KIAA0513: variants seen among roughly 807,000 people sequenced by gnomAD.
KIAA0513 encodes the protein KIAA0513.
Under a neutral mutation model 56.5 loss-of-function variants are expected in KIAA0513, and 39 were observed. That is an observed-to-expected ratio of 0.69 (90% CI 0.53 to 0.90). The LOEUF is 0.90. KIAA0513 is among the 40% of genes least tolerant of loss of function. KIAA0513 has a pLI of 0.00. For synonymous variants in KIAA0513, 268 were observed against 215.6 expected (o/e 1.24, Z -2.13); for missense variants, 591 against 535.2 (o/e 1.10, Z -1.03).
At chr16:85,062,972 A>G (rs2073426632) in intron 1 of KIAA0513, among the ~76,000 whole-genome samples, 1 of 152,150 alleles carries the variant, frequency 6.6e-6, no homozygotes, top group Non-Finnish European at 1.5e-5. Flanking sequence ...CTGCTGTGAC[A>G]TCTTAGATCT....
rs1040478471 is a variant in KIAA0513 at position 85,048,765 on chromosome 16, A to G, written c.-172-18135A>G. Among the ~76,000 whole-genome samples, 3 of 152,192 alleles carry G rather than the reference A, an allele frequency of 2.0e-5. No individual in the cohort carries two copies. In the South Asian group the frequency reaches 6.2e-4, roughly 31 times the overall value. ...TCTCCAAATTCTACTAATGATGATAATAATACTAATCAAATATTGTTAAAC... is the reference window on the plus strand; with the variant it reads ...TCTCCAAATTCTACTAATGATGATAGTAATACTAATCAAATATTGTTAAAC... On this transcript the variant is annotated intron_variant, in intron 1 of 12. Coordinates refer to ENST00000683363, the MANE Select transcript of KIAA0513 (RefSeq NM_001388359.1).
chr16:85,084,430 T>A (rs959657568), intron 10 of KIAA0513, among the ~76,000 whole-genome samples: 3 of 75,146 alleles, frequency 4.0e-5, no homozygotes, highest in Non-Finnish European at 7.6e-5. Context: ...TTTCGTTCTC[T>A]TTTTTTTTTT....
Position 85,077,032 on chromosome 16 carries a change from C to T in KIAA0513, c.575-393C>T, listed in dbSNP as rs573868715. ...CCAGACTCCTCCTCCAGGCCCCCCC[C>T]CAACCCGGTGTCTCCACACTCCCAT... On this transcript the variant is annotated intron_variant, in intron 5 of 12. Transcript: ENST00000683363. Among the ~76,000 whole-genome samples, 21 of 152,268 alleles carry T rather than the reference C, an allele frequency of 1.4e-4. No homozygotes were observed. In the South Asian group the frequency reaches 2.7e-3, roughly 20 times the overall value.
At chr16:85,094,220 T>G (rs146924942), downstream of KIAA0513, 2 of 149,598 alleles carry the variant, frequency 1.3e-5, no homozygotes, top group East Asian at 3.9e-4. Context: ...AAACTAACTT[T>G]AAAAAAAAAA....
intron 8 of KIAA0513, among the ~76,000 whole-genome samples, chr16:85,080,023 T>G (rs1446831909): frequency 2.0e-5 from 3 of 152,186 alleles, no homozygotes; most frequent in Non-Finnish European, 4.4e-5. Flanking sequence ...AGATCACAGT[T>G]GGCTGTGGTG....
intron 1 of KIAA0513, among the ~76,000 whole-genome samples, chr16:85,056,210 A>T (rs558604676): frequency 6.6e-6 from 1 of 152,242 alleles, no homozygotes; most frequent in Admixed American, 6.5e-5. Flanking sequence ...GATCCCAGAC[A>T]TGGATCCTAA....
chr16:85,033,011 C>T (rs890501884), intron 1 of KIAA0513, among the ~76,000 whole-genome samples: 1 of 151,996 alleles, frequency 6.6e-6, no homozygotes, highest in Non-Finnish European at 1.5e-5. Context: ...GGGGTTGCGG[C>T]GGGTGTGCCT....
intron 1 of KIAA0513, among the ~76,000 whole-genome samples, chr16:85,061,613 A>C (rs2073406174): frequency 6.6e-6 from 1 of 152,160 alleles, no homozygotes; most frequent in Non-Finnish European, 1.5e-5. Flanking sequence ...GGCTCACAGA[A>C]AGTTCCAGAT....
At chr16:85,028,038 C>G (rs1327012005) in intron 1 of KIAA0513, among the ~76,000 whole-genome samples, 180 bp downstream of exon 1, 1 of 152,062 alleles carries the variant, frequency 6.6e-6, no homozygotes, top group Admixed American at 6.5e-5. Flanking sequence ...GCCTCGCGGG[C>G]CGAGGGCTCA....
intron 1 of KIAA0513, among the ~76,000 whole-genome samples, chr16:85,036,603 TTTGA>T (rs2073039627): frequency 6.6e-6 from 1 of 152,162 alleles, no homozygotes; most frequent in Admixed American, 6.5e-5. Flanking sequence ...AGATGGAGCC[TTTGA>T]TTGTGGGGTG....
intron 1 of KIAA0513, among the ~76,000 whole-genome samples, chr16:85,036,425 G>GT (rs1409391101): frequency 3.9e-5 from 6 of 152,104 alleles, no homozygotes; most frequent in Non-Finnish European, 8.8e-5. Context: ...ACCTGGAATT[G>GT]TCCAGTATGT....
chr16:85,041,447 G>A (rs1378851164), intron 1 of KIAA0513, among the ~76,000 whole-genome samples: 2 of 152,208 alleles, frequency 1.3e-5, no homozygotes, highest in East Asian at 1.9e-4. Flanking sequence ...CGTATGGCAC[G>A]TGGCTGTCAT....
At chr16:85,040,549 G>A (rs990572976) in intron 1 of KIAA0513, among the ~76,000 whole-genome samples, 1 of 152,112 alleles carries the variant, frequency 6.6e-6, no homozygotes, top group Non-Finnish European at 1.5e-5. Context: ...AAACTCCAAT[G>A]TCCATCATCG....
intron 1 of KIAA0513, among the ~76,000 whole-genome samples, chr16:85,036,729 G>T (rs1190992592): frequency 6.6e-6 from 1 of 152,122 alleles, no homozygotes; most frequent in Non-Finnish European, 1.5e-5. Flanking sequence ...CAGTCCAGGG[G>T]ACCACATTGC....
intron 1 of KIAA0513, among the ~76,000 whole-genome samples, chr16:85,042,345 A>G (rs1361533284): frequency 1.3e-5 from 2 of 152,118 alleles, no homozygotes. Context: ...GTCTTTTCCC[A>G]TGGTGTTGGT....
intron 3 of KIAA0513, 87 bp from the exon 4 acceptor site, chr16:85,072,838 A>G: frequency 6.9e-6 from 9 of 1,299,186 alleles, no homozygotes; most frequent in Non-Finnish European, 1.0e-5. Context: ...GCATTTGGAA[A>G]CACTGAGAGT....
intron 1 of KIAA0513, among the ~76,000 whole-genome samples, chr16:85,059,429 CT>C (rs1414162281): frequency 2.0e-5 from 3 of 152,226 alleles, no homozygotes; most frequent in African/African-American, 4.8e-5. Flanking sequence ...GGGGTTCCCC[CT>C]GAGCCAGGCT....
At chr16:85,085,532 G>A (rs2073798339) in intron 10 of KIAA0513, among the ~76,000 whole-genome samples, 1 of 152,196 alleles carries the variant, frequency 6.6e-6, no homozygotes, top group African/African-American at 2.4e-5. Context: ...TCTTTTTAGG[G>A]GGAAAGGGGC....
At chr16:85,068,287 G>A (rs551384611) in intron 2 of KIAA0513, among the ~76,000 whole-genome samples, 1 of 151,968 alleles carries the variant, frequency 6.6e-6, no homozygotes, top group South Asian at 2.1e-4. Flanking sequence ...CTCCCAAGTA[G>A]CTGGGATTAC....
Sources: allele counts gnomAD v4.1 joint callset (sites outside exome capture counted in the v4.1 genomes callset), GRCh38; gene constraint gnomAD v4.1.1; transcripts MANE v1.5; gene names NCBI Gene and HGNC (gene_info 2026-07-23, HGNC 2026-07-21).